Variants in ACSL5 observed in about 807,000 individuals in gnomAD.
ACSL5 encodes long-chain-fatty-acid--CoA ligase 5.
Under a neutral mutation model 84.9 loss-of-function variants are expected in ACSL5, and 50 were observed. The observed-to-expected ratio is 0.59, with a 90% confidence interval of 0.47 to 0.75. The LOEUF is 0.75. Ranked by LOEUF, ACSL5 falls within the 30% of genes least tolerant of loss-of-function variation. ACSL5 has a pLI of 0.00. For synonymous variants in ACSL5, 280 were observed against 300.7 expected (o/e 0.93, Z 0.71); for missense variants, 775 against 830.4 (o/e 0.93, Z 0.82).
intron 5 of ACSL5, among the ~76,000 whole-genome samples, chr10:112,407,002 C>T (rs1844055225): frequency 6.6e-6 from 1 of 152,066 alleles, no homozygotes; most frequent in Admixed American, 6.5e-5. Flanking sequence ...TGGTAGGAGG[C>T]AAAAGGCACT....
At chr10:112,424,602 G>A (rs1232644908) in intron 17 of ACSL5, 1 of 152,200 alleles carries the variant, frequency 6.6e-6, no homozygotes, top group Non-Finnish European at 1.5e-5. Flanking sequence ...GATAATGAAC[G>A]TTAGGCTGAA....
intron 1 of ACSL5, among the ~76,000 whole-genome samples, chr10:112,392,461 G>A (rs182720783): frequency 1.6e-4 from 19 of 120,652 alleles, no homozygotes; most frequent in South Asian, 1.5e-3. Flanking sequence ...TAAAGAATTG[G>A]CCAGGTACGG....
intron 1 of ACSL5, among the ~76,000 whole-genome samples, chr10:112,383,881 T>C (rs1031545497): frequency 6.6e-5 from 10 of 151,974 alleles, no homozygotes; most frequent in Admixed American, 2.6e-4. Context: ...CCACTGAGAC[T>C]ACGCTACGCC....
chr10:112,398,069 T>C lies in ACSL5; in HGVS notation c.157-832T>C, dbSNP rs76216213. On this transcript the variant is annotated intron_variant, in intron 2 of 20. Coordinates refer to ENST00000354655, the MANE Select transcript of ACSL5 (RefSeq NM_203379.2). ...TTTTTTTTTTTTTTTTTTTTTTTTT[T>C]TTTTTTTTTTTTTTGAGACGGAGTC... Among the ~76,000 whole-genome samples the C allele has an allele frequency of 2.6e-4, 2 of 7,776 alleles. 1 individual carries two copies. Among genetic ancestry groups the C allele is most frequent in the African/African-American group, 8.5e-4 (2 of 2,342 alleles). The allele number at this position is 7,776 out of a possible 152,430, so 5.1% of individuals were successfully genotyped here.
At chr10:112,379,298 G>A (rs368000626) in intron 1 of ACSL5, among the ~76,000 whole-genome samples, 5 of 152,002 alleles carry the variant, frequency 3.3e-5, no homozygotes, top group African/African-American at 7.3e-5. Flanking sequence ...CCAGCTACTC[G>A]GGAGGCTGAG....
In ACSL5 at chr10:112,427,262, T is replaced by A. The variant is rs755989231; in HGVS notation, c.1956T>A (p.Asn652Lys). 2 of 1,613,492 alleles carry A rather than the reference T, an allele frequency of 1.2e-6. No homozygotes were observed. Among genetic ancestry groups the A allele is most frequent in the Non-Finnish European group, 1.7e-6 (2 of 1,179,876 alleles). ...ATCCAGAGCCATTTTCCATTGAAAA[T>A]GGGCTCTTGACACCAACATTGAAAG... is the stretch of plus-strand genomic sequence containing the variant. ...FLHPEPFSIE[N>K]GLLTPTLKAK... The change falls in exon 21 of 21, where the codon AAT becomes AAA. Residue 652 changes from asparagine (N) to lysine (K), a missense_variant. Transcript: ENST00000354655.
chr10:112,400,060 T>C (rs1226811033), intron 3 of ACSL5, among the ~76,000 whole-genome samples: 1 of 152,228 alleles, frequency 6.6e-6, no homozygotes, highest in Non-Finnish European at 1.5e-5. Context: ...AAGAGTCCGA[T>C]GGGGCCTGTA....
chr10:112,380,578 G>C (rs1454669381), intron 1 of ACSL5, among the ~76,000 whole-genome samples: 1 of 151,870 alleles, frequency 6.6e-6, no homozygotes, highest in East Asian at 1.9e-4. Context: ...AGCACATCTG[G>C]CCATTCCCCT....
intron 1 of ACSL5, among the ~76,000 whole-genome samples, chr10:112,379,337 G>A (rs538279265): frequency 5.7e-4 from 87 of 151,786 alleles, no homozygotes; most frequent in African/African-American, 2.0e-3. Context: ...CCCAGGAGGC[G>A]GAGGTTGCAG....
chr10:112,425,585 CT>C, intron 18 of ACSL5, 104 bp downstream of exon 18: 1 of 750,438 alleles, frequency 1.3e-6, no homozygotes, highest in Non-Finnish European at 1.8e-6. Context: ...AAGATCCAAG[CT>C]TATAAAACTA....
chr10:112,427,262 T>C lies in ACSL5; in HGVS notation c.1956T>C (p.Asn652=). Residue 652 remains asparagine, a synonymous_variant, in exon 21 of 21, where the codon AAT becomes AAC. Coordinates refer to ENST00000354655, the MANE Select transcript of ACSL5 (RefSeq NM_203379.2). ...ATCCAGAGCCATTTTCCATTGAAAA[T>C]GGGCTCTTGACACCAACATTGAAAG... ...FLHPEPFSIE[N]GLLTPTLKAK... 1.2e-6 allele frequency: 2 copies of C among 1,613,610 alleles called. No homozygotes were observed. Among genetic ancestry groups the C allele is most frequent in the South Asian group, 1.1e-5 (1 of 90,966 alleles).
intron 3 of ACSL5, among the ~76,000 whole-genome samples, chr10:112,401,820 CT>C (rs762854519): frequency 1.0e-4 from 11 of 109,172 alleles, no homozygotes; most frequent in African/African-American, 1.5e-4. Context: ...TTCTTTCTTT[CT>C]TTCTTTCTTT....
At chr10:112,425,601 A>C (rs967876056) in intron 18 of ACSL5, 120 bp downstream of exon 18, 5 of 929,216 alleles carry the variant, frequency 5.4e-6, no homozygotes, top group Non-Finnish European at 7.4e-6. Flanking sequence ...AAACTAAAAA[A>C]AAAAAAAAAA....
intron 3 of ACSL5, among the ~76,000 whole-genome samples, chr10:112,404,148 AAG>A (rs1319855821): frequency 6.6e-6 from 1 of 152,206 alleles, no homozygotes; most frequent in Non-Finnish European, 1.5e-5. Context: ...AGTTCAATCC[AAG>A]ATTGTTCAAT....
intron 1 of ACSL5, among the ~76,000 whole-genome samples, chr10:112,390,691 GA>G (rs1849542860): frequency 6.6e-6 from 1 of 152,010 alleles, no homozygotes; most frequent in Non-Finnish European, 1.5e-5. Flanking sequence ...TAGATAGATA[GA>G]TAGATAGAGT....
intron 1 of ACSL5, among the ~76,000 whole-genome samples, chr10:112,393,625 C>T (rs936716181): frequency 5.3e-5 from 8 of 152,188 alleles, no homozygotes; most frequent in Non-Finnish European, 1.2e-4. Context: ...TTTTGATTTT[C>T]AGTGGGCATG....
At chr10:112,400,674 T>G (rs1241146273) in intron 3 of ACSL5, among the ~76,000 whole-genome samples, 1 of 152,110 alleles carries the variant, frequency 6.6e-6, no homozygotes, top group African/African-American at 2.4e-5. Flanking sequence ...CCCAAAGTGC[T>G]GGGATTACAG....
chr10:112,392,929 A>T (rs1377296576), intron 1 of ACSL5, among the ~76,000 whole-genome samples: 4 of 151,932 alleles, frequency 2.6e-5, no homozygotes, highest in African/African-American at 9.7e-5. Flanking sequence ...ATATATATAT[A>T]TATATCCAGT....
rs1394298356 is a variant in ACSL5, at chr10:112,409,647, A to G, written c.673A>G (p.Lys225Glu). The G allele has an allele frequency of 1.2e-6, 2 of 1,614,110 alleles. No homozygotes were observed. Among genetic ancestry groups the G allele is most frequent in the Non-Finnish European group, 1.7e-6 (2 of 1,180,004 alleles). ...FDDDLKQRGE[K>E]SGIEILSLYD... The stretch of plus-strand genomic sequence containing the variant: ...TGATGACCTGAAGCAAAGAGGGGAG[A>G]AGAGTGGAATTGAGATCTTATCCCT... Residue 225 changes from lysine to glutamate, a missense_variant, in exon 7 of 21, where the codon AAG becomes GAG. By Grantham distance (56) the Lys-to-Glu change is moderately conservative (BLOSUM62 1). Transcript: ENST00000354655.
Sources: allele counts gnomAD v4.1 joint callset (sites outside exome capture counted in the v4.1 genomes callset), GRCh38; gene constraint gnomAD v4.1.1; transcripts MANE v1.5; gene names NCBI Gene and HGNC (gene_info 2026-07-23, HGNC 2026-07-21).